Variants in SH3PXD2B observed in about 807,000 individuals in gnomAD.
SH3PXD2B encodes the protein SH3 and PX domain-containing protein 2B.
SH3PXD2B carries 37 observed loss-of-function variants against 73.1 expected under a neutral mutation model. That is an observed-to-expected ratio of 0.51 (90% CI 0.39 to 0.67). SH3PXD2B has a LOEUF of 0.67. Among genes scored for constraint, SH3PXD2B ranks in the 30% least tolerant of loss-of-function variants. The pLI is 0.00. For missense variants in SH3PXD2B, 1,053 were observed against 1,197.8 expected (o/e 0.88, Z 1.78); for synonymous variants, 457 against 480.5 (o/e 0.95, Z 0.64).
chr5:172,382,074 G>T lies in SH3PXD2B; in HGVS notation c.363C>A (p.Phe121Leu). The change falls in exon 5 of 13, where the codon TTC becomes TTA. Residue 121 changes from phenylalanine to leucine, a missense_variant. Coordinates refer to ENST00000311601, the MANE Select transcript of SH3PXD2B (RefSeq NM_001017995.3). Reference sequence around the variant, plus strand: ...TCAGGTCCTCAGGTCTTGTCTCAAAGAACTGCAGCACCTCATCACACTGAG... The same window carrying T: ...TCAGGTCCTCAGGTCTTGTCTCAAATAACTGCAGCACCTCATCACACTGAG... ...YISQCDEVLQ[F>L]FETRPEDLNP... The T allele has an allele frequency of 1.2e-6, 2 of 1,612,560 alleles. No individual in the cohort carries two copies. Among genetic ancestry groups the T allele is most frequent in the Non-Finnish European group, 1.7e-6 (2 of 1,179,538 alleles).
intron 4 of SH3PXD2B, among the ~76,000 whole-genome samples, chr5:172,384,018 T>C (rs115853332): frequency 0.068 from 10,383 of 152,038 alleles, 483 homozygotes; most frequent in South Asian, 0.2. Flanking sequence ...GGCTAATTTT[T>C]TATATTTTAG....
At chr5:172,436,486 A>G (rs1759390355) in intron 1 of SH3PXD2B, among the ~76,000 whole-genome samples, 1 of 152,240 alleles carries the variant, frequency 6.6e-6, no homozygotes, top group Non-Finnish European at 1.5e-5. Flanking sequence ...ACCCTCTTCT[A>G]GACTATCCTT....
In SH3PXD2B at chr5:172,335,834, T is replaced by C; in HGVS notation, c.*2535A>G. 8.1e-7 allele frequency: 1 copy of C among 1,228,758 alleles called. No individual in the cohort carries two copies. Among genetic ancestry groups the C allele is most frequent in the Non-Finnish European group, 1.0e-6 (1 of 986,724 alleles). 76.1% of individuals were successfully genotyped at this position (1,228,758 alleles called of 1,614,324 possible). On this transcript the variant is annotated 3_prime_UTR_variant, in exon 13 of 13. Coordinates refer to ENST00000311601, the MANE Select transcript of SH3PXD2B (RefSeq NM_001017995.3). ...TAGGAAAAGGAGCTGGATACAGACG[T>C]CCTCAGGCCATAGATATGACTCAAG...
downstream of SH3PXD2B, among the ~76,000 whole-genome samples, chr5:172,329,083 A>ATATTTTTTTTTTTTTT (rs58472514): frequency 1.5e-4 from 9 of 61,808 alleles, no homozygotes; most frequent in African/African-American, 7.0e-4. Context: ...ATATATATAT[A>ATATTTTTTTTTTTTTT]TTTTTTTTTT....
intron 3 of SH3PXD2B, among the ~76,000 whole-genome samples, chr5:172,395,660 G>A (rs939336230): frequency 2.6e-5 from 4 of 152,176 alleles, no homozygotes; most frequent in African/African-American, 9.7e-5. Context: ...GGGAGATAGT[G>A]GCGAAGCATA....
intron 6 of SH3PXD2B, among the ~76,000 whole-genome samples, chr5:172,363,262 T>C (rs1458972660): frequency 3.9e-5 from 6 of 152,108 alleles, no homozygotes; most frequent in Admixed American, 3.3e-4. Context: ...TATCCACTCA[T>C]GATATATCAA....
intron 5 of SH3PXD2B, among the ~76,000 whole-genome samples, chr5:172,377,280 G>A (rs1037742208): frequency 1.3e-4 from 20 of 152,288 alleles, no homozygotes; most frequent in African/African-American, 4.8e-4. Flanking sequence ...AGCTGGCTAG[G>A]AAAGACGCCC....
At chr5:172,369,962 C>T (rs1757665489) in intron 6 of SH3PXD2B, among the ~76,000 whole-genome samples, 1 of 152,126 alleles carries the variant, frequency 6.6e-6, no homozygotes, top group African/African-American at 2.4e-5. Flanking sequence ...GATAGTTACT[C>T]ATTTAGTATT....
At chr5:172,379,988 A>G (rs554792531) in intron 5 of SH3PXD2B, among the ~76,000 whole-genome samples, 1 of 152,132 alleles carries the variant, frequency 6.6e-6, no homozygotes, top group Admixed American at 6.5e-5. Context: ...TTTCATTATC[A>G]TTTTGTTAAA....
intron 1 of SH3PXD2B, among the ~76,000 whole-genome samples, chr5:172,442,125 C>G (rs970476009): frequency 2.0e-5 from 3 of 152,156 alleles, no homozygotes; most frequent in Non-Finnish European, 2.9e-5. Context: ...TCTTAGCAAT[C>G]CTATGAGGTC....
downstream of SH3PXD2B, among the ~76,000 whole-genome samples, chr5:172,329,098 T>TTTTTGG (rs1756505935): frequency 7.2e-6 from 1 of 138,060 alleles, no homozygotes; most frequent in Non-Finnish European, 1.6e-5. Flanking sequence ...TTTTTTTTTT[T>TTTTTGG]GAGATGGAGT....
intron 7 of SH3PXD2B, among the ~76,000 whole-genome samples, chr5:172,362,171 T>C (rs1241668574): frequency 6.6e-6 from 1 of 152,010 alleles, no homozygotes; most frequent in East Asian, 1.9e-4. Context: ...GCAGAAGTTT[T>C]TATTTTGTAG....
chr5:172,342,653 C>A (rs578116871), intron 12 of SH3PXD2B, among the ~76,000 whole-genome samples: 1 of 152,060 alleles, frequency 6.6e-6, no homozygotes, highest in South Asian at 2.1e-4. Context: ...CCCAGCTACG[C>A]GGGAGGCTGA....
At chr5:172,325,217 A>C (rs779265449) in exon 13 of SH3PXD2B, 242 of 1,268,256 alleles carry the variant, frequency 1.9e-4, no homozygotes, top group Admixed American at 3.6e-4. Context: ...ACAAAAAAAA[A>C]TACAGTAAAA....
At chr5:172,325,931 G>A (rs1182146782) in intron 12 of SH3PXD2B, among the ~76,000 whole-genome samples, 2 of 152,234 alleles carry the variant, frequency 1.3e-5, no homozygotes, top group Non-Finnish European at 2.9e-5. Context: ...GGGATTACAG[G>A]CATATGCCGC....
intron 6 of SH3PXD2B, among the ~76,000 whole-genome samples, chr5:172,368,796 CATAT>C (rs1290124564): frequency 8.4e-6 from 1 of 118,522 alleles, no homozygotes; most frequent in Non-Finnish European, 1.7e-5. Context: ...ATATAATACA[CATAT>C]ATAATATGTA....
In SH3PXD2B at chr5:172,391,623, C is replaced by T. The variant is rs565551477; in HGVS notation, c.309+2940G>A. Among the ~76,000 whole-genome samples, 19 of 152,146 alleles carry T rather than the reference C, an allele frequency of 1.2e-4. No homozygotes were observed. In the South Asian group the frequency reaches 3.1e-3, roughly 25 times the overall value. On this transcript the variant is annotated intron_variant, in intron 4 of 12. Transcript: ENST00000311601. Reference sequence around the variant, plus strand: ...GATTACAAGCGTGTGCCACTAAGCCCGGCTAGTTTTTGTATTTTTAGTAGA... The same window carrying T: ...GATTACAAGCGTGTGCCACTAAGCCTGGCTAGTTTTTGTATTTTTAGTAGA...
intron 1 of SH3PXD2B, among the ~76,000 whole-genome samples, chr5:172,432,513 G>A (rs954480935): frequency 2.0e-5 from 3 of 152,138 alleles, no homozygotes; most frequent in Non-Finnish European, 4.4e-5. Flanking sequence ...ATTTTTCACC[G>A]CTCTGCACGT....
At chr5:172,399,744 C>T (rs1443778568) in intron 3 of SH3PXD2B, among the ~76,000 whole-genome samples, 1 of 152,216 alleles carries the variant, frequency 6.6e-6, no homozygotes, top group African/African-American at 2.4e-5. Context: ...CTTCAGCACT[C>T]AATCTCGCTT....
Sources: gnomAD v4.1 joint callset for allele counts (sites outside exome capture counted in the v4.1 genomes callset) on GRCh38, gnomAD v4.1.1 for gene constraint, MANE v1.5 for transcripts, NCBI Gene and HGNC (gene_info 2026-07-23, HGNC 2026-07-21) for gene names.